ATG7: variants seen among roughly 807,000 people sequenced by gnomAD.
ATG7 encodes ubiquitin-like modifier-activating enzyme ATG7.
A neutral mutation model predicts 82.4 loss-of-function variants in ATG7; 70 were observed. The observed-to-expected ratio is 0.85, with a 90% confidence interval of 0.70 to 1.04. ATG7 has a LOEUF of 1.04. Ranked by LOEUF, ATG7 falls within the 50% of genes least tolerant of loss-of-function variation. ATG7 has a pLI of 0.00. For missense variants in ATG7, 792 were observed against 864.3 expected (o/e 0.92, Z 1.05); for synonymous variants, 287 against 313.0 (o/e 0.92, Z 0.88).
intron 20 of ATG7, among the ~76,000 whole-genome samples, chr3:11,545,463 C>T (rs539673134): frequency 3.3e-5 from 5 of 152,324 alleles, no homozygotes; most frequent in East Asian, 1.9e-4. Flanking sequence ...CCTCGGCTCC[C>T]GGCTGGAGAG....
chr3:11,486,093 C>T (rs1414158686), intron 20 of ATG7, among the ~76,000 whole-genome samples: 2 of 152,140 alleles, frequency 1.3e-5, no homozygotes, highest in Non-Finnish European at 2.9e-5. Flanking sequence ...TCCTTGGTAG[C>T]TTGATGGGGA....
intron 18 of ATG7, among the ~76,000 whole-genome samples, chr3:11,367,427 A>G (rs998183336): frequency 6.6e-6 from 1 of 152,156 alleles, no homozygotes; most frequent in Non-Finnish European, 1.5e-5. Context: ...GCCCCTGTGG[A>G]AGAGATGTAG....
intron 19 of ATG7, among the ~76,000 whole-genome samples, chr3:11,388,452 G>A (rs2078488895): frequency 2.0e-5 from 3 of 147,510 alleles, no homozygotes; most frequent in South Asian, 2.2e-4. Flanking sequence ...TTTTTTTTAA[G>A]GAGTCTTGCT....
intron 19 of ATG7, among the ~76,000 whole-genome samples, chr3:11,417,807 T>TATTATTATTA (rs768786787): frequency 8.0e-6 from 1 of 125,060 alleles, no homozygotes; most frequent in African/African-American, 3.0e-5. Flanking sequence ...ATTATTTTAT[T>TATTATTATTA]TTATTTTATT....
At chr3:11,484,262 C>T (rs1215817039) in intron 20 of ATG7, among the ~76,000 whole-genome samples, 3 of 152,112 alleles carry the variant, frequency 2.0e-5, no homozygotes, top group Non-Finnish European at 4.4e-5. Context: ...GGTATGGTGG[C>T]GTGCACCTGT....
At chr3:11,532,562 A>T (rs1167534439) in intron 20 of ATG7, among the ~76,000 whole-genome samples, 1 of 152,180 alleles carries the variant, frequency 6.6e-6, no homozygotes, top group African/African-American at 2.4e-5. Context: ...GTCCGTTCAT[A>T]AAATTCAAAA....
intron 11 of ATG7, among the ~76,000 whole-genome samples, chr3:11,336,743 G>A (rs1452501105): frequency 6.6e-6 from 1 of 152,096 alleles, no homozygotes; most frequent in Non-Finnish European, 1.5e-5. Flanking sequence ...CAAAATCATA[G>A]CTCACTGCAG....
intron 18 of ATG7, among the ~76,000 whole-genome samples, chr3:11,373,734 T>C (rs2077196652): frequency 6.6e-6 from 1 of 152,220 alleles, no homozygotes; most frequent in South Asian, 2.1e-4. Flanking sequence ...TTAGGACCTT[T>C]GCATAAGGTA....
intron 5 of ATG7, among the ~76,000 whole-genome samples, chr3:11,306,188 G>C (rs1947704319): frequency 6.6e-6 from 1 of 152,192 alleles, no homozygotes; most frequent in Non-Finnish European, 1.5e-5. Context: ...GGTAGCCCAG[G>C]TGTGAGACAT....
At chr3:11,419,221 G>A (rs1260018993) in intron 19 of ATG7, among the ~76,000 whole-genome samples, 1 of 152,178 alleles carries the variant, frequency 6.6e-6, no homozygotes, top group Non-Finnish European at 1.5e-5. Flanking sequence ...ATTGTTTTTA[G>A]ATAGAGTGTA....
intron 20 of ATG7, among the ~76,000 whole-genome samples, chr3:11,485,385 GTTGT>G (rs1355444815): frequency 1.3e-5 from 2 of 152,160 alleles, no homozygotes; most frequent in African/African-American, 4.8e-5. Context: ...TTTCGATGGG[GTTGT>G]TTGTTTTTTT....
intron 3 of ATG7, among the ~76,000 whole-genome samples, chr3:11,291,989 G>A (rs1194731855): frequency 1.3e-5 from 2 of 152,158 alleles, no homozygotes; most frequent in Non-Finnish European, 2.9e-5. Context: ...ATCATTCCTG[G>A]TGGCAGTTTG....
chr3:11,407,453 T>G (rs1197919214), intron 19 of ATG7, among the ~76,000 whole-genome samples: 1 of 152,174 alleles, frequency 6.6e-6, no homozygotes, highest in African/African-American at 2.4e-5. Flanking sequence ...CATTCTGAGG[T>G]CTAGAGGACA....
intron 14 of ATG7, chr3:11,348,748 G>A (rs1029494085): frequency 1.3e-5 from 2 of 152,254 alleles, no homozygotes; most frequent in Non-Finnish European, 2.9e-5. Flanking sequence ...CCCCACCCAC[G>A]TCCTACTGAT....
intron 14 of ATG7, among the ~76,000 whole-genome samples, chr3:11,353,872 G>A (rs753877475): frequency 2.0e-5 from 3 of 152,048 alleles, no homozygotes; most frequent in Non-Finnish European, 4.4e-5. Flanking sequence ...TTCCTTTATA[G>A]CAGTGTGAAA....
intron 20 of ATG7, among the ~76,000 whole-genome samples, chr3:11,436,811 A>G (rs2083409193): frequency 6.6e-6 from 1 of 152,222 alleles, no homozygotes; most frequent in Admixed American, 6.5e-5. Flanking sequence ...CAGTCACAAA[A>G]GGACACATAT....
chr3:11,510,308 T>A, intron 20 of ATG7: 1 of 456,484 alleles, frequency 2.2e-6, no homozygotes, highest in South Asian at 1.5e-5. Context: ...AACAATTCCT[T>A]GCATTCATAC....
intron 20 of ATG7, among the ~76,000 whole-genome samples, chr3:11,460,154 T>C (rs1280981251): frequency 6.6e-6 from 1 of 152,250 alleles, no homozygotes; most frequent in Non-Finnish European, 1.5e-5. Flanking sequence ...TGTTTACTTA[T>C]TGAGTCCACT....
chr3:11,462,119 C>T (rs1443458158), intron 20 of ATG7, among the ~76,000 whole-genome samples: 2 of 152,098 alleles, frequency 1.3e-5, no homozygotes, highest in African/African-American at 4.8e-5. Context: ...ACCTACTCGG[C>T]TCTCAAGGTT....
Sources: allele counts gnomAD v4.1 joint callset (sites outside exome capture counted in the v4.1 genomes callset), GRCh38; gene constraint gnomAD v4.1.1; transcripts MANE v1.5; gene names NCBI Gene and HGNC (gene_info 2026-07-23, HGNC 2026-07-21).